Variants in SH3PXD2B observed in about 807,000 individuals in gnomAD.
The protein encoded by SH3PXD2B is SH3 and PX domains 2B, also known as SH3 and PX domain-containing protein 2B.
A neutral mutation model predicts 73.1 loss-of-function variants in SH3PXD2B; 37 were observed. The observed-to-expected ratio is 0.51, with a 90% CI of 0.39 to 0.67. The LOEUF (loss-of-function observed/expected upper bound fraction) is 0.67, where lower values mean the gene tolerates loss of function less well. Ranked by LOEUF, SH3PXD2B falls within the 30% of genes least tolerant of loss-of-function variation. SH3PXD2B has a pLI of 0.00. For missense variants in SH3PXD2B, 1,053 were observed against 1,197.8 expected, an observed-to-expected ratio of 0.88 and a Z score of 1.78; for synonymous variants, 457 against 480.5, an observed-to-expected ratio of 0.95 and a Z score of 0.64.
At chr5:172,332,555 CCTT>C (rs1158963193), downstream of SH3PXD2B, among the ~76,000 whole-genome samples, 4 of 150,040 alleles carry the variant, frequency 2.7e-5, no homozygotes, top group Non-Finnish European at 5.9e-5. Flanking sequence ...AGCCACCACA[CCTT>C]CTGTTTTTCT....
Position 172,337,866 on chromosome 5 carries a change from A to T in SH3PXD2B, c.*503T>A. On this transcript the variant is annotated 3_prime_UTR_variant, in exon 13 of 13. Coordinates refer to ENST00000311601, the MANE Select transcript of SH3PXD2B (RefSeq NM_001017995.3). The stretch of plus-strand genomic sequence containing the variant: ...TAATGGAATGCATTTCTTCAGGATG[A>T]AGTTCCTTCTGGTAGCAGGCAATTT... 9.9e-7 allele frequency: 1 copy of T among 1,007,008 alleles called. No individual in the cohort carries two copies. The highest frequency in any genetic ancestry group is 1.2e-6 in the Non-Finnish European group (1 of 842,348). 62.4% of individuals were successfully genotyped at this position (1,007,008 alleles called of 1,614,324 possible). A position where few individuals can be genotyped will look rare whatever the true frequency, so the allele number is the denominator to read the frequency against.
Position 172,373,862 on chromosome 5 carries a change from G to C in SH3PXD2B, c.402-47C>G, listed in dbSNP as rs541408764. On this transcript the variant is annotated intron_variant, in intron 5 of 12. Coordinates refer to ENST00000311601, the MANE Select transcript of SH3PXD2B (RefSeq NM_001017995.3). The stretch of plus-strand genomic sequence containing the variant: ...TGGGAAGAGTAACGAGTCAGTACTT[G>C]CCATGTATTGACGTGAGTTATTCTG... 7 of 1,603,126 alleles carry C rather than the reference G, an allele frequency of 4.4e-6. No individual in the cohort carries two copies. The South Asian group carries it at 4.4e-5, about 10-fold the overall frequency.
chr5:172,415,403 A>G (rs1758797395), intron 2 of SH3PXD2B, among the ~76,000 whole-genome samples: 1 of 152,182 alleles, frequency 6.6e-6, no homozygotes, highest in South Asian at 2.1e-4. Context: ...CTATCTTTCA[A>G]TAGGCAGATT....
chr5:172,390,828 T>C (rs1003573528), intron 4 of SH3PXD2B, among the ~76,000 whole-genome samples: 1 of 126,660 alleles, frequency 7.9e-6, no homozygotes, highest in Non-Finnish European at 1.6e-5. Context: ...TGTGTGTGTG[T>C]GTGTGTGTGT....
Position 172,350,393 on chromosome 5 carries a change from G to A in SH3PXD2B, c.982C>T (p.Arg328Cys), listed in dbSNP as rs770233178. Residue 328 changes from arginine to cysteine, a missense_variant, in exon 10 of 13, where the codon CGC becomes TGC. By Grantham distance (180) the Arg-to-Cys change is radical. Coordinates refer to ENST00000311601, the MANE Select transcript of SH3PXD2B (RefSeq NM_001017995.3). ...TTGGCGTCACCGTCGGGCACCGGGCGGCCTTCAAACCGCCCGTCCCTCTGG... is the reference window on the plus strand; with the variant it reads ...TTGGCGTCACCGTCGGGCACCGGGCAGCCTTCAAACCGCCCGTCCCTCTGG... The part of the protein sequence containing the change: ...SSQRDGRFEG[R>C]PVPDGDAKQR... The A allele has an allele frequency of 5.0e-6, 8 of 1,613,690 alleles. No individual in the cohort carries two copies. Among genetic ancestry groups the A allele is most frequent in the South Asian group, 3.3e-5 (3 of 91,056 alleles).
rs187423307 is a variant in SH3PXD2B, at chr5:172,397,210, G to A, written c.233-2571C>T. Among the ~76,000 whole-genome samples the A allele has an allele frequency of 2.6e-3, 389 of 152,196 alleles. 1 individual carries two copies. The highest frequency in any genetic ancestry group is 4.2e-3 in the Non-Finnish European group (289 of 68,018). The stretch of plus-strand genomic sequence containing the variant: ...GCAGATAAGGGATGAAATAAGCTCC[G>A]GTCTCCTGTAGCGCTCCCAGTCCTA... On this transcript the variant is annotated intron_variant, in intron 3 of 12. Transcript: ENST00000311601.
At chr5:172,439,290 AAC>A (rs1561583590) in intron 1 of SH3PXD2B, among the ~76,000 whole-genome samples, 35 of 55,876 alleles carry the variant, frequency 6.3e-4, no homozygotes, top group African/African-American at 1.8e-3. Flanking sequence ...ACAAAAAAAA[AAC>A]CCCAAAAAAA....
At chr5:172,417,555 A>C (rs933515025) in intron 2 of SH3PXD2B, among the ~76,000 whole-genome samples, 1 of 152,234 alleles carries the variant, frequency 6.6e-6, no homozygotes, top group African/African-American at 2.4e-5. Context: ...TGTACCTAAA[A>C]GAGTTCTGAT....
intron 7 of SH3PXD2B, 34 bp downstream of exon 7, chr5:172,362,701 G>A (rs766271817): frequency 1.2e-6 from 2 of 1,613,810 alleles, no homozygotes; most frequent in South Asian, 1.1e-5. Flanking sequence ...TTGGTGGCAG[G>A]GTAGTGGGAG....
chr5:172,392,035 C>T (rs999628283), intron 4 of SH3PXD2B, among the ~76,000 whole-genome samples: 12 of 150,790 alleles, frequency 8.0e-5, no homozygotes, highest in Non-Finnish European at 1.6e-4. Flanking sequence ...AGATAAGGGT[C>T]TAACTTCATT....
At position 172,336,776 on chromosome 5, in the gene SH3PXD2B, G is replaced by A. The variant is rs1160423296; in HGVS notation, c.*1593C>T. On this transcript the variant is annotated 3_prime_UTR_variant, in exon 13 of 13. Transcript: ENST00000311601. ...GGGTTCTGCTCTGCTCTCTTACTCT[G>A]GGCTGGGAGCTAGAAATGCTGGGTC... 1.3e-5 allele frequency: 13 copies of A among 985,516 alleles called. No homozygotes were observed. Among genetic ancestry groups the A allele is most frequent in the Non-Finnish European group, 1.6e-5 (13 of 830,138 alleles). The allele number at this position is 985,516 out of a possible 1,614,324, so 61.0% of individuals were successfully genotyped here. A position where few individuals can be genotyped will look rare whatever the true frequency, so the allele number is the denominator to read the frequency against.
intron 2 of SH3PXD2B, among the ~76,000 whole-genome samples, chr5:172,418,566 C>A (rs367682513): frequency 6.6e-6 from 1 of 152,242 alleles, no homozygotes; most frequent in East Asian, 1.9e-4. Context: ...ATCATGAAAT[C>A]ATCTAACTCC....
chr5:172,329,227 C>T (rs1387817627), downstream of SH3PXD2B, among the ~76,000 whole-genome samples: 3 of 149,664 alleles, frequency 2.0e-5, no homozygotes, highest in East Asian at 5.9e-4. Flanking sequence ...ACTACAGGCA[C>T]GTGCCACCAT....
In SH3PXD2B at chr5:172,390,815, T is replaced by G. The variant is rs76026604; in HGVS notation, c.309+3748A>C. On this transcript the variant is annotated intron_variant, in intron 4 of 12. Coordinates refer to ENST00000311601, the MANE Select transcript of SH3PXD2B (RefSeq NM_001017995.3). ...GTCTTCCAAAGTAGCTTCCCGTCTT[T>G]TGTGTGTGTGTGTGTGTGTGTGTGT... 2.6e-3 allele frequency among the ~76,000 whole-genome samples: 366 copies of G among 139,978 alleles called. 1 individual carries two copies. The highest frequency in any genetic ancestry group is 8.4e-3 in the African/African-American group (311 of 36,838). 91.8% of individuals were successfully genotyped at this position (139,978 alleles called of 152,430 possible).
intron 1 of SH3PXD2B, among the ~76,000 whole-genome samples, chr5:172,425,233 CATCT>C (rs1759067589): frequency 6.6e-6 from 1 of 152,100 alleles, no homozygotes; most frequent in South Asian, 2.1e-4. Context: ...CAGTCTTCAA[CATCT>C]ATTAAGCACC....
chr5:172,392,578 C>T (rs145799850), intron 4 of SH3PXD2B, among the ~76,000 whole-genome samples: 3,415 of 151,504 alleles, frequency 0.023, 123 homozygotes, highest in African/African-American at 0.072. Context: ...CTGAGACCAG[C>T]CTGGCCAACA....
In SH3PXD2B at chr5:172,338,884, T is replaced by TA. The variant is rs1465715129; in HGVS notation, c.2220dup (p.Lys741Ter). On this transcript the variant is annotated frameshift_variant, in exon 13 of 13. Coordinates refer to ENST00000311601, the MANE Select transcript of SH3PXD2B (RefSeq NM_001017995.3). LOFTEE classifies it low-confidence loss of function (END_TRUNC). The surrounding 1 kb of genome is among the most constrained non-coding windows in gnomAD (Gnocchi z 5.1). ...TCTTGGAGAGGAACAGGCACGCTCT[T>TA]AGACACAGGATCTGTGGTCTTGGCT... The TA allele has an allele frequency of 3.1e-6, 5 of 1,613,664 alleles. No homozygotes were observed. Among genetic ancestry groups the TA allele is most frequent in the East Asian group, 2.2e-5 (1 of 44,886 alleles).
downstream of SH3PXD2B, among the ~76,000 whole-genome samples, chr5:172,329,074 TATA>T (rs1756502562): frequency 1.2e-5 from 1 of 80,504 alleles, no homozygotes; most frequent in Non-Finnish European, 2.6e-5. Context: ...TATATATATA[TATA>T]TATATATTTT....
chr5:172,438,351 G>A (rs374140091), intron 1 of SH3PXD2B, among the ~76,000 whole-genome samples: 186 of 152,188 alleles, frequency 1.2e-3, no homozygotes, highest in African/African-American at 4.0e-3. Context: ...TTGCATTACT[G>A]CACCCCCACT....
Sources: gnomAD v4.1 joint callset for allele counts (sites outside exome capture counted in the v4.1 genomes callset) on GRCh38, gnomAD v4.1.1 for gene constraint, Gnocchi (gnomAD v3.1) non-coding constraint, MANE v1.5 for transcripts, NCBI Gene and HGNC (gene_info 2026-07-23, HGNC 2026-07-21) for gene names.